The following CC2D2B variants were observed in gnomAD, a reference collection of about 807,000 sequenced individuals.
CC2D2B encodes the protein coiled-coil and C2 domain containing 2B, also known as protein CC2D2B.
A neutral mutation model predicts 161.2 loss-of-function variants in CC2D2B; 128 were observed. The ratio of observed to expected loss-of-function variants is 0.79; its 90% CI spans 0.69 to 0.92. CC2D2B has a LOEUF of 0.92. Among genes scored for constraint, CC2D2B ranks in the 40% least tolerant of loss-of-function variants. CC2D2B has a pLI of 0.00. For missense variants in CC2D2B, 1,173 were observed against 1,375.1 expected (o/e 0.85, Z 2.32); for synonymous variants, 391 against 449.8 (o/e 0.87, Z 1.65).
In CC2D2B at chr10:95,988,360, T is replaced by C; in HGVS notation, c.2379+18T>C. The C allele has an allele frequency of 6.2e-6, 7 of 1,123,238 alleles. No individual in the cohort carries two copies. Among genetic ancestry groups the C allele is most frequent in the Non-Finnish European group, 7.9e-6 (7 of 887,344 alleles). 69.6% of individuals were successfully genotyped at this position (1,123,238 alleles called of 1,614,324 possible). A position where few individuals can be genotyped will look rare whatever the true frequency, so the allele number is the denominator to read the frequency against. On this transcript the variant is annotated intron_variant, in intron 20 of 34. Transcript: ENST00000646931. ...TGAAAAAGGTAACAACACAGTATTA[T>C]CAATATATTTGCATTTGTTTTTGTG...
chr10:95,951,167 ATT>A (rs202012840), intron 10 of CC2D2B, among the ~76,000 whole-genome samples: 4 of 146,032 alleles, frequency 2.7e-5, no homozygotes, highest in African/African-American at 7.5e-5. Context: ...GACTTAATCC[ATT>A]TTTTTTTTTG....
intron 5 of CC2D2B, among the ~76,000 whole-genome samples, chr10:95,926,241 C>A (rs921596748): frequency 6.6e-6 from 1 of 152,032 alleles, no homozygotes; most frequent in African/African-American, 2.4e-5. Flanking sequence ...CATTGAGTAT[C>A]AGGAAAAGGG....
intron 10 of CC2D2B, among the ~76,000 whole-genome samples, chr10:95,954,996 T>A (rs1406904945): frequency 2.0e-5 from 3 of 152,140 alleles, no homozygotes. Context: ...GTTATCAATA[T>A]ATGTATATAG....
chr10:95,963,716 A>C (rs1278843784), intron 12 of CC2D2B, among the ~76,000 whole-genome samples: 1 of 152,202 alleles, frequency 6.6e-6, no homozygotes, highest in Non-Finnish European at 1.5e-5. Context: ...GAGTATTTTA[A>C]GTAGAAGGAA....
chr10:96,029,292 A>ATG (rs2079956798), intron 34 of CC2D2B, among the ~76,000 whole-genome samples: 1 of 103,526 alleles, frequency 9.7e-6, no homozygotes. Context: ...ATATGTATAT[A>ATG]TATATATATA....
At chr10:95,962,016 T>C in intron 12 of CC2D2B, 47 bp downstream of exon 12, 1 of 1,218,782 alleles carries the variant, frequency 8.2e-7, no homozygotes, top group Non-Finnish European at 1.0e-6. Flanking sequence ...GAGGAACTTC[T>C]CATGAATAAC....
chr10:95,924,386 C>G lies in CC2D2B; in HGVS notation c.170C>G (p.Ser57Cys). Residue 57 changes from serine to cysteine, a missense_variant, in exon 4 of 35, where the codon TCT becomes TGT. Ser to Cys is a moderately radical substitution (Grantham distance 112). Around this residue, in one of 3 missense-constraint regions of CC2D2B, gnomAD observed 298 missense variants for 261.2 expected, o/e 1.14. Transcript: ENST00000646931. ...RGKVREKLKISKINKGEKSST... is the reference protein window; with the variant it reads ...RGKVREKLKICKINKGEKSST... ...AAAGTGAGAGAAAAGCTAAAAATTT[C>G]TAAGGTAATGCTTTTTAAAATTTCC... 4.0e-6 allele frequency: 6 copies of G among 1,490,174 alleles called. No homozygotes were observed. The highest frequency in any genetic ancestry group is 5.4e-6 in the Non-Finnish European group (6 of 1,105,566). The allele number at this position is 1,490,174 out of a possible 1,614,324, so 92.3% of individuals were successfully genotyped here. A position where few individuals can be genotyped will look rare whatever the true frequency, so the allele number is the denominator to read the frequency against.
At chr10:95,955,099 T>G (rs2076529340) in intron 10 of CC2D2B, among the ~76,000 whole-genome samples, 2 of 152,150 alleles carry the variant, frequency 1.3e-5, no homozygotes, top group South Asian at 4.1e-4. Context: ...CAATATGCCT[T>G]CTTGATCTAA....
chr10:95,921,986 C>T, intron 2 of CC2D2B, 30 bp from the exon 3 acceptor site: 1 of 1,332,878 alleles, frequency 7.5e-7, no homozygotes, highest in Non-Finnish European at 1.0e-6. Context: ...AAACAAGATG[C>T]AAGTTTAACC....
At chr10:95,977,098 G>C (rs1301034903) in intron 17 of CC2D2B, among the ~76,000 whole-genome samples, 3 of 5,752 alleles carry the variant, frequency 5.2e-4, no homozygotes, top group African/African-American at 2.5e-3. Context: ...CCAGCTGGGC[G>C]TGGTGGCTCA....
chr10:96,009,973 T>C (rs796487781), intron 26 of CC2D2B, 50 bp downstream of exon 26: 25 of 1,129,178 alleles, frequency 2.2e-5, no homozygotes, highest in Non-Finnish European at 2.9e-5. Context: ...CTCTGGCTCA[T>C]AGAAAAACTT....
intron 26 of CC2D2B, among the ~76,000 whole-genome samples, chr10:96,011,540 ACTATTAG>A (rs1354742681): frequency 6.6e-6 from 1 of 152,096 alleles, no homozygotes; most frequent in Non-Finnish European, 1.5e-5. Flanking sequence ...GCACTCAGTA[ACTATTAG>A]CTATTATGCA....
Position 96,025,155 on chromosome 10 carries a change from ATATATAT to A in CC2D2B, c.3947+245_3947+251del, listed in dbSNP as rs1222947617. Among the ~76,000 whole-genome samples, 105 of 41,406 alleles carry A rather than the reference ATATATAT, an allele frequency of 2.5e-3. 9 individuals carry two copies. In the East Asian group the frequency reaches 0.044, roughly 17 times the overall value. 27.2% of individuals were successfully genotyped at this position (41,406 alleles called of 152,430 possible). A position where few individuals can be genotyped will look rare whatever the true frequency, so the allele number is the denominator to read the frequency against. On this transcript the variant is annotated intron_variant, in intron 33 of 34. Transcript: ENST00000646931. ...GAGACGTCATCTCTACTAAAAAAAA[ATATATAT>A]ATATATATATATATATATATATAAA...
intron 1 of CC2D2B, among the ~76,000 whole-genome samples, chr10:95,908,445 G>A (rs2098499982): frequency 1.3e-5 from 2 of 152,200 alleles, no homozygotes; most frequent in Non-Finnish European, 2.9e-5. Flanking sequence ...TGCTGTTGGA[G>A]ATCAAGAGAC....
intron 11 of CC2D2B, among the ~76,000 whole-genome samples, chr10:95,959,577 C>T (rs928985787): frequency 6.6e-6 from 1 of 152,148 alleles, no homozygotes. Context: ...CTGAATTTCA[C>T]TCATGAGCAT....
chr10:95,938,698 T>G lies in CC2D2B; in HGVS notation c.665T>G (p.Leu222Arg). The G allele has an allele frequency of 1.4e-6, 1 of 711,974 alleles. No individual in the cohort carries two copies. The highest frequency in any genetic ancestry group is 1.5e-5 in the South Asian group (1 of 66,154). The allele number at this position is 711,974 out of a possible 1,614,324, so 44.1% of individuals were successfully genotyped here. Residue 222 changes from leucine to arginine, a missense_variant, in exon 8 of 35, where the codon CTA becomes CGA. This residue lies in a region of CC2D2B where 298 missense variants were observed against 261.2 expected (regional missense o/e 1.14). Coordinates refer to ENST00000646931, the MANE Select transcript of CC2D2B (RefSeq NM_001349008.3). Reference sequence around the variant, plus strand: ...AAAATGGAAAATCGCCTGCTTAAACTAGAAGAGGCAAGTGCACCACCTAAC... The same window carrying G: ...AAAATGGAAAATCGCCTGCTTAAACGAGAAGAGGCAAGTGCACCACCTAAC... ...CNKMENRLLK[L>R]EEGKCWFGES...
At chr10:96,017,345 TAGA>T (rs2079248245) in intron 30 of CC2D2B, among the ~76,000 whole-genome samples, 1 of 152,210 alleles carries the variant, frequency 6.6e-6, no homozygotes, top group Admixed American at 6.5e-5. Context: ...TAACTATTAA[TAGA>T]AGTTCATTCC....
At chr10:96,012,425 A>T in intron 27 of CC2D2B, 58 bp downstream of exon 27, 1 of 801,884 alleles carries the variant, frequency 1.2e-6, no homozygotes, top group South Asian at 1.7e-5. Flanking sequence ...GAACTATTTT[A>T]AAAACCAGTA....
At chr10:96,025,177 ATATATAT>A (rs1471905835) in intron 33 of CC2D2B, among the ~76,000 whole-genome samples, 5,486 of 23,808 alleles carry the variant, frequency 0.23, 419 homozygotes, top group Admixed American at 0.33. Flanking sequence ...ATATATATAT[ATATATAT>A]AAAAAAAAAT....
Sources: allele counts gnomAD v4.1 joint callset (sites outside exome capture counted in the v4.1 genomes callset), GRCh38; gene constraint gnomAD v4.1.1; regional missense constraint gnomAD v4.1.1; transcripts MANE v1.5; gene names NCBI Gene and HGNC (gene_info 2026-07-23, HGNC 2026-07-21).